The following RAB28 variants were observed in gnomAD, a reference collection of about 807,000 sequenced individuals.
RAB28 encodes RAB28, member RAS oncogene family, also known as ras-related protein Rab-28.
In RAB28, 24 loss-of-function variants were observed where a neutral mutation model predicts 31.7. That is an observed-to-expected ratio of 0.76 (90% CI 0.55 to 1.06). The LOEUF (loss-of-function observed/expected upper bound fraction) is 1.06, where lower values mean the gene tolerates loss of function less well. Ranked by LOEUF, RAB28 falls within the 50% of genes least tolerant of loss-of-function variation. The probability of loss-of-function intolerance (pLI) is 0.00; values close to 1 mark genes in which losing one functional copy is unlikely to be tolerated. For missense variants in RAB28, 254 were observed against 258.5 expected (o/e 0.98, Z 0.12); for synonymous variants, 100 against 90.4 (o/e 1.11, Z -0.60).
chr4:13,470,043 T>G (rs1716046038), intron 3 of RAB28, among the ~76,000 whole-genome samples: 1 of 152,060 alleles, frequency 6.6e-6, no homozygotes, highest in Non-Finnish European at 1.5e-5. Flanking sequence ...AACAGTCTTG[T>G]AAAGCATTGC....
At position 13,405,331 on chromosome 4, in the gene RAB28, A is replaced by G. The variant is rs186793857; in HGVS notation, c.392-23737T>C. Among the ~76,000 whole-genome samples the G allele has an allele frequency of 2.8e-4, 42 of 152,302 alleles. 1 individual carries two copies. The highest frequency in any genetic ancestry group is 1.0e-4 in the Non-Finnish European group (7 of 67,998). On this transcript the variant is annotated intron_variant, in intron 4 of 6. Transcript: ENST00000330852. Reference sequence around the variant, plus strand: ...TCTCATGGGTGCAATATGTTCTATGAAGCTGAAACAATAAACATACGAGTT... The same window carrying G: ...TCTCATGGGTGCAATATGTTCTATGGAGCTGAAACAATAAACATACGAGTT...
intron 6 of RAB28, among the ~76,000 whole-genome samples, chr4:13,374,850 C>T (rs1728858261): frequency 6.6e-6 from 1 of 152,112 alleles, no homozygotes; most frequent in Non-Finnish European, 1.5e-5. Context: ...TCATTTATTG[C>T]CCTACCTCAA....
At chr4:13,441,690 T>G (rs1355638911) in intron 4 of RAB28, among the ~76,000 whole-genome samples, 1 of 152,226 alleles carries the variant, frequency 6.6e-6, no homozygotes, top group East Asian at 1.9e-4. Context: ...GATGGCTAAA[T>G]GAATGAAGAC....
At chr4:13,388,084 C>T (rs149336535) in intron 4 of RAB28, among the ~76,000 whole-genome samples, 30 of 152,134 alleles carry the variant, frequency 2.0e-4, no homozygotes, top group African/African-American at 6.5e-4. Flanking sequence ...ATTCTAACAT[C>T]TCTGCTTTCA....
intron 4 of RAB28, among the ~76,000 whole-genome samples, chr4:13,408,067 G>C (rs1712205252): frequency 6.6e-6 from 1 of 152,210 alleles, no homozygotes; most frequent in Non-Finnish European, 1.5e-5. Flanking sequence ...GGAGTGGTGA[G>C]AGAGGAATCC....
At chr4:13,467,877 C>T (rs1044014615) in intron 3 of RAB28, among the ~76,000 whole-genome samples, 2 of 151,680 alleles carry the variant, frequency 1.3e-5, no homozygotes, top group African/African-American at 4.8e-5. Flanking sequence ...ATATTGCCTA[C>T]GGAAAACTGA....
At chr4:13,370,414 C>T in intron 6 of RAB28, 1 of 852,604 alleles carries the variant, frequency 1.2e-6, no homozygotes, top group East Asian at 1.2e-4. Context: ...GTGCCAGTCA[C>T]TCTATACTGT....
intron 4 of RAB28, among the ~76,000 whole-genome samples, chr4:13,432,299 C>T (rs1422789460): frequency 6.6e-6 from 1 of 151,902 alleles, no homozygotes; most frequent in Non-Finnish European, 1.5e-5. Context: ...TATAAAGTGG[C>T]CAAACCTAAG....
chr4:13,483,963 G>T, intron 1 of RAB28, 113 bp downstream of exon 1: 1 of 1,006,340 alleles, frequency 9.9e-7, no homozygotes, highest in Non-Finnish European at 1.5e-6. Context: ...AAGGGCCCGG[G>T]CCTAGAAGCC....
chr4:13,457,863 G>C (rs1271433694), intron 4 of RAB28, among the ~76,000 whole-genome samples: 1 of 152,036 alleles, frequency 6.6e-6, no homozygotes, highest in African/African-American at 2.4e-5. Context: ...ATTATCCCTA[G>C]TGGTAGTTAG....
intron 4 of RAB28, among the ~76,000 whole-genome samples, chr4:13,402,169 T>C (rs1711806703): frequency 6.6e-6 from 1 of 152,250 alleles, no homozygotes; most frequent in African/African-American, 2.4e-5. Context: ...ATGGTCTATC[T>C]TGATAAATAC....
intron 1 of RAB28, among the ~76,000 whole-genome samples, chr4:13,481,984 T>C (rs1577255858): frequency 6.6e-6 from 1 of 152,234 alleles, no homozygotes; most frequent in South Asian, 2.1e-4. Flanking sequence ...GAGAAAAAAA[T>C]TCTTGATTTA....
At chr4:13,400,250 G>C (rs1017568673) in intron 4 of RAB28, among the ~76,000 whole-genome samples, 3 of 152,126 alleles carry the variant, frequency 2.0e-5, no homozygotes, top group African/African-American at 4.8e-5. Flanking sequence ...GCTGTTGCTA[G>C]TAAGTCTTGA....
chr4:13,415,281 T>G (rs1712690841), intron 4 of RAB28, among the ~76,000 whole-genome samples: 1 of 152,244 alleles, frequency 6.6e-6, no homozygotes, highest in African/African-American at 2.4e-5. Flanking sequence ...GGGGCCTCTC[T>G]GCCTGAGCTC....
rs147710101 is a variant in RAB28, at chr4:13,387,065, G to A, written c.392-5471C>T. On this transcript the variant is annotated intron_variant, in intron 4 of 6. Transcript: ENST00000330852. The stretch of plus-strand genomic sequence containing the variant: ...TGATGAGAACACATGGACACATAGA[G>A]GGGAACAATAGACACTGTGGCCTAC... Among the ~76,000 whole-genome samples the A allele has an allele frequency of 6.3e-4, 96 of 152,142 alleles. 2 individuals are homozygous for A. The East Asian group carries it at 0.014, about 22-fold the overall frequency.
At chr4:13,400,547 T>C (rs1290997662) in intron 4 of RAB28, among the ~76,000 whole-genome samples, 1 of 152,188 alleles carries the variant, frequency 6.6e-6, no homozygotes, top group East Asian at 1.9e-4. Flanking sequence ...GTATGTTTTA[T>C]ATACCTTTTT....
At chr4:13,410,887 T>C (rs533991039) in intron 4 of RAB28, among the ~76,000 whole-genome samples, 22 of 152,206 alleles carry the variant, frequency 1.4e-4, no homozygotes, top group African/African-American at 4.8e-4. Context: ...GCAGCTCAAA[T>C]GCCTGTGTAA....
intron 3 of RAB28, among the ~76,000 whole-genome samples, chr4:13,469,852 C>A (rs73100421): frequency 0.016 from 2,408 of 152,034 alleles, 58 homozygotes; most frequent in African/African-American, 0.056. Flanking sequence ...CAGTGCCCAG[C>A]TAATTTTTTA....
chr4:13,404,638 C>T (rs1416761716), intron 4 of RAB28, among the ~76,000 whole-genome samples: 1 of 152,020 alleles, frequency 6.6e-6, no homozygotes, highest in East Asian at 1.9e-4. Context: ...AGGCTTCAAA[C>T]ATCTCCATTG....
Sources: allele counts gnomAD v4.1 joint callset (sites outside exome capture counted in the v4.1 genomes callset), GRCh38; gene constraint gnomAD v4.1.1; transcripts MANE v1.5; gene names NCBI Gene and HGNC (gene_info 2026-07-23, HGNC 2026-07-21).